The following ZFHX4 variants were observed in gnomAD, a reference collection of about 807,000 sequenced individuals.
The protein encoded by ZFHX4 is zinc finger homeobox 4, also known as zinc finger homeobox protein 4.
Under a neutral mutation model 267.6 loss-of-function variants are expected in ZFHX4, and 56 were observed. The observed-to-expected ratio is 0.21, with a 90% CI of 0.17 to 0.26. ZFHX4 has a LOEUF of 0.26. Ranked by LOEUF, ZFHX4 falls within the 10% of genes least tolerant of loss-of-function variation. ZFHX4 has a pLI of 1.00. For missense variants in ZFHX4, 4,332 were observed against 4,420.0 expected (o/e 0.98, Z 0.56); for synonymous variants, 1,778 against 1,665.6 (o/e 1.07, Z -1.64).
chr8:76,827,566 A>G (rs752428152), intron 4 of ZFHX4, among the ~76,000 whole-genome samples: 17 of 152,248 alleles, frequency 1.1e-4, no homozygotes, highest in Non-Finnish European at 2.2e-4. Flanking sequence ...ATGGAGAAAT[A>G]CAATAGGAAT....
intron 1 of ZFHX4, among the ~76,000 whole-genome samples, chr8:76,692,625 T>C (rs761360777): frequency 2.6e-5 from 4 of 152,152 alleles, no homozygotes; most frequent in Admixed American, 2.0e-4. Context: ...AGTTCAAAGA[T>C]GGTAAATTCA....
chr8:76,688,921 T>G (rs1807758117), intron 1 of ZFHX4, among the ~76,000 whole-genome samples: 1 of 152,078 alleles, frequency 6.6e-6, no homozygotes, highest in Non-Finnish European at 1.5e-5. Context: ...GAGGTACTAT[T>G]AAGATGGTTA....
rs769233887 is a variant in ZFHX4 at position 76,851,314 on chromosome 8, G to A, written c.4393G>A (p.Val1465Met). 188 of 1,613,600 alleles carry A rather than the reference G, an allele frequency of 1.2e-4. 3 individuals carry two copies. In the Admixed American group the frequency reaches 2.6e-3, roughly 22 times the overall value. ...TCAACAGCTATATGCCTCCTTGCCC[G>A]TGAATGGAGAACTGTGGGCAGAGAG... ...ELQQLYASLP[V>M]NGELWAESET... The change falls in exon 10 of 11, where the codon GTG becomes ATG. Residue 1465 changes from valine (V) to methionine (M), a missense_variant. Coordinates refer to ENST00000651372, the MANE Select transcript of ZFHX4 (RefSeq NM_024721.5).
At position 76,707,703 on chromosome 8, in the gene ZFHX4, C is replaced by T; in HGVS notation, c.2748C>T (p.Ser916=). Residue 916 remains serine (S), a synonymous_variant, in exon 3 of 11, where the codon AGC becomes AGT. Coordinates refer to ENST00000651372, the MANE Select transcript of ZFHX4 (RefSeq NM_024721.5). ...TTTGCAACAAATTCACCTCTGACAG[C>T]CTGGAGGCCCTAAGTGTGCATGTGA... ...CAVCNKFTSD[S]LEALSVHVSS... 1 of 1,613,816 alleles carries T rather than the reference C, an allele frequency of 6.2e-7. No individual in the cohort carries two copies. Among genetic ancestry groups the T allele is most frequent in the African/African-American group, 1.3e-5 (1 of 74,980 alleles).
At position 76,706,008 on chromosome 8, in the gene ZFHX4, A is replaced by G. The variant is rs1808257275; in HGVS notation, c.1920A>G (p.Ser640=). The G allele has an allele frequency of 6.2e-7, 1 of 1,613,488 alleles. No homozygotes were observed. Among genetic ancestry groups the G allele is most frequent in the Admixed American group, 1.7e-5 (1 of 59,966 alleles). The change falls in exon 2 of 11, where the codon TCA becomes TCG. Residue 640 remains serine (S), a synonymous_variant. Coordinates refer to ENST00000651372, the MANE Select transcript of ZFHX4 (RefSeq NM_024721.5). ...TGACTATGATGCACTCGAGGAACTC[A>G]TGCAAAACCCTCAAATGTCCTAAAT... ...GHMTMMHSRN[S]CKTLKCPKCN... is the part of the protein sequence containing the mutation.
In ZFHX4 at chr8:76,864,047, A is replaced by G; in HGVS notation, c.10333A>G (p.Ser3445Gly). The change falls in exon 11 of 11, where the codon AGC (serine) becomes GGC (glycine). Residue 3445 changes from serine (S) to glycine (G), a missense_variant. Physicochemically the swap from Ser to Gly is moderately conservative, Grantham distance 56. Coordinates refer to ENST00000651372, the MANE Select transcript of ZFHX4 (RefSeq NM_024721.5). ...AGAGACAGTGCTTCGTGTCCCAGTC[A>G]GCAAATATCAGTGTCTTGCCTGTGA... The part of the protein sequence containing the change: ...PQETVLRVPV[S>G]KYQCLACDVA... 1.9e-6 allele frequency: 3 copies of G among 1,613,894 alleles called. No homozygotes were observed. The highest frequency in any genetic ancestry group is 2.2e-5 in the East Asian group (1 of 44,818).
intron 1 of ZFHX4, among the ~76,000 whole-genome samples, chr8:76,695,265 G>A (rs1403295046): frequency 1.3e-5 from 2 of 152,182 alleles, no homozygotes; most frequent in Non-Finnish European, 2.9e-5. Context: ...TTTCAAAACT[G>A]AAGTCATAGG....
chr8:76,749,762 G>A (rs747636844), intron 3 of ZFHX4, among the ~76,000 whole-genome samples: 1 of 152,106 alleles, frequency 6.6e-6, no homozygotes, highest in Non-Finnish European at 1.5e-5. Flanking sequence ...CTTATTCTAG[G>A]TGTTTTGAGG....
At chr8:76,847,793 T>G (rs948126449) in intron 6 of ZFHX4, among the ~76,000 whole-genome samples, 1 of 152,164 alleles carries the variant, frequency 6.6e-6, no homozygotes, top group African/African-American at 2.4e-5. Context: ...ATTTCTAAAT[T>G]AAAACTGGGT....
Position 76,853,398 on chromosome 8 carries a change from C to T in ZFHX4, c.6477C>T (p.Ile2159=), listed in dbSNP as rs370090115. ...DINNSPSEEQ[I]QEMAEKSGLS... Reference sequence around the variant, plus strand: ...ATAATTCTCCAAGTGAAGAACAGATCCAGGAAATGGCAGAGAAATCTGGCC... The same window carrying T: ...ATAATTCTCCAAGTGAAGAACAGATTCAGGAAATGGCAGAGAAATCTGGCC... The change falls in exon 10 of 11, where the codon ATC becomes ATT. Residue 2159 remains isoleucine, a synonymous_variant. Coordinates refer to ENST00000651372, the MANE Select transcript of ZFHX4 (RefSeq NM_024721.5). The T allele has an allele frequency of 3.4e-5, 55 of 1,613,800 alleles. No homozygotes were observed. Among genetic ancestry groups the T allele is most frequent in the South Asian group, 6.6e-5 (6 of 91,076 alleles).
intron 3 of ZFHX4, among the ~76,000 whole-genome samples, chr8:76,732,101 C>T (rs540617098): frequency 6.6e-6 from 1 of 152,100 alleles, no homozygotes; most frequent in African/African-American, 2.4e-5. Flanking sequence ...CTCAGCCTCT[C>T]AAAGTGCTGG....
In ZFHX4 at chr8:76,854,862, G is replaced by C. The variant is rs1342538027; in HGVS notation, c.7941G>C (p.Arg2647Ser). The change falls in exon 10 of 11, where the codon AGG becomes AGC. Residue 2647 changes from arginine (R) to serine (S), a missense_variant. Physicochemically the swap from Arg to Ser is moderately radical, Grantham distance 110 (BLOSUM62 -1). Around this residue, in one of 7 missense-constraint regions of ZFHX4, gnomAD observed 1,648 missense variants for 1,625.0 expected, o/e 1.01. Transcript: ENST00000651372. The stretch of plus-strand genomic sequence containing the variant: ...CCCGCGAAGTCGGGCTGAAAAAAAG[G>C]GTCGTGCAAGTCTGGTTCCAGAATA... ...HIAREVGLKK[R>S]VVQVWFQNTR... 6.2e-7 allele frequency: 1 copy of C among 1,610,464 alleles called. No individual in the cohort carries two copies.
intron 10 of ZFHX4, among the ~76,000 whole-genome samples, chr8:76,860,935 A>G (rs1812849491): frequency 6.6e-6 from 1 of 152,154 alleles, no homozygotes; most frequent in Non-Finnish European, 1.5e-5. Context: ...TGGAAACGCA[A>G]TCCCAGACAT....
intron 10 of ZFHX4, among the ~76,000 whole-genome samples, chr8:76,858,571 C>T (rs371372876): frequency 1.8e-4 from 28 of 152,136 alleles, no homozygotes; most frequent in African/African-American, 6.8e-4. Context: ...CCCACCTGAG[C>T]GCCTGAGTTC....
chr8:76,791,328 G>A (rs568852915), intron 4 of ZFHX4, among the ~76,000 whole-genome samples: 1 of 152,106 alleles, frequency 6.6e-6, no homozygotes, highest in South Asian at 2.1e-4. Flanking sequence ...ATGGTGTCCT[G>A]GAACGTTAGC....
At chr8:76,789,208 G>A (rs1245417252) in intron 4 of ZFHX4, among the ~76,000 whole-genome samples, 1 of 152,132 alleles carries the variant, frequency 6.6e-6, no homozygotes, top group Admixed American at 6.5e-5. Context: ...ATCAAAGAGT[G>A]CACCAACAGA....
At chr8:76,776,402 C>G (rs781179586) in intron 3 of ZFHX4, among the ~76,000 whole-genome samples, 1 of 152,104 alleles carries the variant, frequency 6.6e-6, no homozygotes, top group African/African-American at 2.4e-5. Flanking sequence ...GTCCTGTGGC[C>G]TCAGGCAAAT....
chr8:76,795,341 A>G (rs1258355458), intron 4 of ZFHX4, among the ~76,000 whole-genome samples: 2 of 152,074 alleles, frequency 1.3e-5, no homozygotes, highest in African/African-American at 4.8e-5. Context: ...TGGCATAAAC[A>G]TGGCTCACTG....
chr8:76,766,597 T>C (rs1052015075), intron 3 of ZFHX4, among the ~76,000 whole-genome samples: 64 of 152,062 alleles, frequency 4.2e-4, no homozygotes, highest in Non-Finnish European at 8.2e-4. Context: ...TATTGGTTAA[T>C]AACAAATATC....
Sources: allele counts gnomAD v4.1 joint callset (sites outside exome capture counted in the v4.1 genomes callset), GRCh38; gene constraint gnomAD v4.1.1; regional missense constraint gnomAD v4.1.1; transcripts MANE v1.5; gene names NCBI Gene and HGNC (gene_info 2026-07-23, HGNC 2026-07-21).